Variants in MAPK6 observed in about 807,000 individuals in gnomAD.
MAPK6 encodes mitogen-activated protein kinase 6.
In MAPK6, 19 loss-of-function variants were observed where a neutral mutation model predicts 59.3. The observed-to-expected ratio is 0.32, with a 90% CI of 0.22 to 0.47. MAPK6 has a LOEUF of 0.47. Ranked by LOEUF, MAPK6 falls within the 20% of genes least tolerant of loss-of-function variation. MAPK6 has a pLI of 1.00. For missense variants in MAPK6, 724 were observed against 847.9 expected, an observed-to-expected ratio of 0.85 and a Z score of 1.81; for synonymous variants, 316 against 290.3, an observed-to-expected ratio of 1.09 and a Z score of -0.90.
rs143281288 is a variant in MAPK6 at position 52,050,098 on chromosome 15, A to G, written c.661A>G (p.Ile221Val). 5.3e-5 allele frequency: 85 copies of G among 1,611,846 alleles called. No individual in the cohort carries two copies. The highest frequency in any genetic ancestry group is 6.5e-5 in the Non-Finnish European group (77 of 1,179,510). The change falls in exon 3 of 6, where the codon ATC (isoleucine) becomes GTC (valine). Residue 221 changes from isoleucine to valine, a missense_variant. By Grantham distance (29) the Ile-to-Val change is conservative (BLOSUM62 3). This residue lies in a region of MAPK6 where 105 missense variants were observed against 191.9 expected (regional missense o/e 0.55). Transcript: ENST00000261845. ...KAIDMWAAGC[I>V]FAEMLTGKTL... ...CATTGACATGTGGGCTGCAGGCTGC[A>G]TCTTTGCTGAAATGCTGACTGGTAA...
intron 4 of MAPK6, among the ~76,000 whole-genome samples, chr15:52,060,327 G>A (rs976310793): frequency 1.3e-5 from 2 of 152,208 alleles, no homozygotes; most frequent in African/African-American, 4.8e-5. Context: ...CACTTAGAAG[G>A]CAAGGATAAG....
chr15:52,002,989 C>A (rs1157329677), intron 2 of MAPK6, among the ~76,000 whole-genome samples: 2 of 152,114 alleles, frequency 1.3e-5, no homozygotes, highest in Non-Finnish European at 2.9e-5. Flanking sequence ...GAGTTTGAGA[C>A]CAACCTGACC....
intron 1 of MAPK6, among the ~76,000 whole-genome samples, chr15:52,025,368 C>T (rs1198730209): frequency 1.3e-5 from 2 of 152,266 alleles, no homozygotes; most frequent in African/African-American, 4.8e-5. Context: ...AAGCTAATCA[C>T]TGCCCAGTTG....
At chr15:51,974,217 C>T (rs2057150175) in intron 1 of MAPK6, among the ~76,000 whole-genome samples, 1 of 151,696 alleles carries the variant, frequency 6.6e-6, no homozygotes, top group African/African-American at 2.4e-5. Flanking sequence ...GTGTCTTGGC[C>T]TCCAAAAGTG....
upstream of MAPK6, among the ~76,000 whole-genome samples, chr15:52,016,083 C>CACACACACAG (rs2030253549): frequency 7.2e-6 from 1 of 139,298 alleles, no homozygotes; most frequent in Non-Finnish European, 1.6e-5. Context: ...CACACACACA[C>CACACACACAG]ACACACACAC....
chr15:52,034,812 T>G (rs1388879194), intron 1 of MAPK6, among the ~76,000 whole-genome samples: 1 of 152,020 alleles, frequency 6.6e-6, no homozygotes, highest in Admixed American at 6.6e-5. Context: ...ATTCTCCTGC[T>G]TCAGCCTCCC....
intron 2 of MAPK6, among the ~76,000 whole-genome samples, chr15:52,000,150 G>C (rs1207712784): frequency 6.6e-6 from 1 of 151,908 alleles, no homozygotes; most frequent in East Asian, 1.9e-4. Flanking sequence ...TGTTGCCCAG[G>C]GTTGTCTCAA....
chr15:52,062,764 C>T (rs1378182173), intron 5 of MAPK6, among the ~76,000 whole-genome samples: 2 of 152,048 alleles, frequency 1.3e-5, no homozygotes, highest in African/African-American at 2.4e-5. Context: ...GACTCCGTTT[C>T]AAATAAATAA....
Position 52,064,647 on chromosome 15 carries a change from T to C in MAPK6, c.1813T>C (p.Phe605Leu). The C allele has an allele frequency of 6.2e-7, 1 of 1,611,802 alleles. No homozygotes were observed. The highest frequency in any genetic ancestry group is 8.5e-7 in the Non-Finnish European group (1 of 1,179,756). The change falls in exon 6 of 6, where the codon TTT becomes CTT. Residue 605 changes from phenylalanine (F) to leucine (L), a missense_variant. By Grantham distance (22) the Phe-to-Leu change is conservative. Coordinates refer to ENST00000261845, the MANE Select transcript of MAPK6 (RefSeq NM_002748.4). Reference sequence around the variant, plus strand: ...GTTTGTGAGTGGTGGGGAGGACTGTTTTTTCATAAATCAGTTTTGTGAGGT... The same window carrying C: ...GTTTGTGAGTGGTGGGGAGGACTGTCTTTTCATAAATCAGTTTTGTGAGGT... ...SQFVSGGEDC[F>L]FINQFCEVRK...
chr15:52,018,507 T>A (rs2030346484), upstream of MAPK6, among the ~76,000 whole-genome samples: 1 of 152,234 alleles, frequency 6.6e-6, no homozygotes, highest in Non-Finnish European at 1.5e-5. Context: ...CTGAAAAGGC[T>A]CCTTGGACTC....
In MAPK6 at chr15:52,067,116, G is replaced by A. The variant is rs551772920; in HGVS notation, c.*2116G>A. 1.3e-5 allele frequency: 2 copies of A among 152,244 alleles called. No individual in the cohort carries two copies. Among genetic ancestry groups the A allele is most frequent in the South Asian group, 4.1e-4 (2 of 4,828 alleles). The allele number at this position is 152,244 out of a possible 1,614,324, so 9.4% of individuals were successfully genotyped here. A position where few individuals can be genotyped will look rare whatever the true frequency, so the allele number is the denominator to read the frequency against. On this transcript the variant is annotated 3_prime_UTR_variant, in exon 6 of 6. Coordinates refer to ENST00000261845, the MANE Select transcript of MAPK6 (RefSeq NM_002748.4). ...TTGACTCTAAAATGCTGTCTTCCCT[G>A]AAGGAGACCTAGGATTTTTCTTACT... is the stretch of plus-strand genomic sequence containing the variant.
rs528190698 is a variant in MAPK6, at chr15:52,066,022, G to C, written c.*1022G>C. 1.3e-4 allele frequency: 20 copies of C among 152,640 alleles called. No homozygotes were observed. The highest frequency in any genetic ancestry group is 6.5e-4 in the Admixed American group (10 of 15,292). The allele number at this position is 152,640 out of a possible 1,614,324, so 9.5% of individuals were successfully genotyped here. On this transcript the variant is annotated 3_prime_UTR_variant, in exon 6 of 6. Transcript: ENST00000261845. ...GACTTGTGTGCATGGAAGTAATTAA[G>C]GTACATCATTATTGTAGTTTGAAAG...
intron 2 of MAPK6, among the ~76,000 whole-genome samples, chr15:52,001,694 A>C (rs758309877): frequency 6.6e-6 from 1 of 151,922 alleles, no homozygotes; most frequent in South Asian, 2.1e-4. Flanking sequence ...TTTTTAGTAG[A>C]GACAGGGTTT....
At chr15:52,050,493 C>G (rs1290716285) in intron 3 of MAPK6, among the ~76,000 whole-genome samples, 3 of 152,076 alleles carry the variant, frequency 2.0e-5, no homozygotes, top group Non-Finnish European at 2.9e-5. Context: ...TTCTTGGTCC[C>G]CTCCCCCTAT....
intron 2 of MAPK6, among the ~76,000 whole-genome samples, chr15:52,047,645 CTTTTTTTT>C (rs35508228): frequency 1.5e-5 from 2 of 137,562 alleles, no homozygotes; most frequent in East Asian, 4.2e-4. Context: ...CATGCCCAGC[CTTTTTTTT>C]TTTTTTTTTA....
chr15:52,064,612 G>A lies in MAPK6; in HGVS notation c.1778G>A (p.Trp593Ter). ...TTAGAAGCCTTGTACCAGTCTTCTTGGGACAGCCAGTTTGTGAGTGGTGGG... is the reference window on the plus strand; with the variant it reads ...TTAGAAGCCTTGTACCAGTCTTCTTAGGACAGCCAGTTTGTGAGTGGTGGG... ...AQLEALYQSS[W>*]DSQFVSGGED... Residue 593 changes from tryptophan to a stop codon, truncating the protein, a stop_gained, in exon 6 of 6, where the codon TGG (tryptophan) becomes TAG (stop). Transcript: ENST00000261845. LOFTEE classifies it high-confidence loss of function. 6.2e-7 allele frequency: 1 copy of A among 1,611,836 alleles called. No individual in the cohort carries two copies.
At chr15:52,039,801 G>A (rs1048295477) in intron 1 of MAPK6, among the ~76,000 whole-genome samples, 1 of 152,236 alleles carries the variant, frequency 6.6e-6, no homozygotes, top group Non-Finnish European at 1.5e-5. Flanking sequence ...ACAAGTGTGA[G>A]CCACCACGCC....
At chr15:52,040,056 A>G (rs2031369504) in intron 1 of MAPK6, among the ~76,000 whole-genome samples, 2 of 152,172 alleles carry the variant, frequency 1.3e-5, no homozygotes, top group African/African-American at 2.4e-5. Flanking sequence ...GCCGCCCACC[A>G]TACATTAGGA....
intron 3 of MAPK6, among the ~76,000 whole-genome samples, chr15:52,050,340 ACTC>A (rs2031737411): frequency 2.0e-5 from 3 of 152,124 alleles, no homozygotes; most frequent in Non-Finnish European, 4.4e-5. Flanking sequence ...AATTATCAGA[ACTC>A]CTGTTTAAAT....
Sources: gnomAD v4.1 joint callset for allele counts (sites outside exome capture counted in the v4.1 genomes callset) on GRCh38, gnomAD v4.1.1 for gene constraint, gnomAD v4.1.1 regional missense constraint, MANE v1.5 for transcripts, NCBI Gene and HGNC (gene_info 2026-07-23, HGNC 2026-07-21) for gene names.